The following CELF2 variants were observed in gnomAD, a reference collection of about 807,000 sequenced individuals.
CELF2 encodes CUG triplet repeat RNA-binding protein 2.
In CELF2, 8 loss-of-function variants were observed where a neutral mutation model predicts 62.6. The ratio of observed to expected loss-of-function variants is 0.13; its 90% CI spans 0.07 to 0.23. The LOEUF is 0.23. CELF2 is among the 10% of genes least tolerant of loss of function. CELF2 has a pLI of 1.00. For synonymous variants in CELF2, 258 were observed against 250.0 expected (o/e 1.03, Z -0.30); for missense variants, 333 against 671.0 (o/e 0.50, Z 5.56).
chr10:10,563,550 G>A, the CELF2 span, among the ~76,000 whole-genome samples: 1 of 149,662 alleles, frequency 6.7e-6, no homozygotes, highest in African/African-American at 2.5e-5. Flanking sequence ...GGAGGTTGCA[G>A]TGAGCCAAGA....
chr10:11,272,616 A>T (rs1590279297), intron 7 of CELF2, among the ~76,000 whole-genome samples: 1 of 152,330 alleles, frequency 6.6e-6, no homozygotes, highest in East Asian at 1.9e-4. Flanking sequence ...GGTGAAGGAG[A>T]GGAAATCTCA....
At position 11,247,119 on chromosome 10, in the gene CELF2, C is replaced by T. The variant is rs924652243; in HGVS notation, c.355-2034C>T. Among the ~76,000 whole-genome samples, 3 of 152,252 alleles carry T rather than the reference C, an allele frequency of 2.0e-5. No individual in the cohort carries two copies. Among genetic ancestry groups the T allele is most frequent in the Admixed American group, 6.5e-5 (1 of 15,292 alleles). ...AACTGTCCTCCCTGCCTGTGTCTCT[C>T]GTCTGTAATCCACCCTCCACACGGC... On this transcript the variant is annotated intron_variant, in intron 3 of 12. Coordinates refer to ENST00000633077, the MANE Select transcript of CELF2 (RefSeq NM_001326342.2). The surrounding 1 kb of genome is among the most constrained non-coding windows in gnomAD (Gnocchi z 5.4).
At chr10:11,087,681 C>T (rs2047186245) in intron 1 of CELF2, among the ~76,000 whole-genome samples, 1 of 152,212 alleles carries the variant, frequency 6.6e-6, no homozygotes, top group South Asian at 2.1e-4. Flanking sequence ...CCTATCACAA[C>T]AACACATACC....
At chr10:11,041,031 C>T (rs1343687136) in intron 1 of CELF2, among the ~76,000 whole-genome samples, 1 of 152,204 alleles carries the variant, frequency 6.6e-6, no homozygotes, top group African/African-American at 2.4e-5. Context: ...TTGGAGACTA[C>T]GGAGTCCAAC....
At chr10:10,570,186 C>T in the CELF2 span, among the ~76,000 whole-genome samples, 2 of 152,140 alleles carry the variant, frequency 1.3e-5, no homozygotes, top group Non-Finnish European at 1.5e-5. Context: ...AGCAGCAATG[C>T]CTCAGGGTGA....
chr10:10,487,041 A>G, the CELF2 span, among the ~76,000 whole-genome samples: 1 of 152,174 alleles, frequency 6.6e-6, no homozygotes, highest in East Asian at 1.9e-4. Context: ...TGCATAGAGA[A>G]TGTAGAAGCA....
At chr10:11,185,828 G>C (rs1469431692) in intron 2 of CELF2, among the ~76,000 whole-genome samples, 6 of 152,136 alleles carry the variant, frequency 3.9e-5, no homozygotes. Flanking sequence ...GGCTGGTTTT[G>C]GTATAATGGC....
At position 11,224,346 on chromosome 10, in the gene CELF2, T is replaced by C. The variant is rs998150814; in HGVS notation, c.354+6839T>C. ...TCATTGCTTGAGGGATACTGGTATC[T>C]CATTAGTATCTTGTGAGGGGATGGT... On this transcript the variant is annotated intron_variant, in intron 3 of 12. Coordinates refer to ENST00000633077, the MANE Select transcript of CELF2 (RefSeq NM_001326342.2). This position sits in a 1 kb window ranked among gnomAD's most constrained non-coding sequence, Gnocchi z 4.5. Among the ~76,000 whole-genome samples, 1 of 152,188 alleles carries C rather than the reference T, an allele frequency of 6.6e-6. No individual in the cohort carries two copies. Among genetic ancestry groups the C allele is most frequent in the Non-Finnish European group, 1.5e-5 (1 of 68,036 alleles).
chr10:11,011,751 G>A lies in CELF2; in HGVS notation c.53+6311G>A, dbSNP rs985361769. On this transcript the variant is annotated intron_variant, in intron 1 of 12. Transcript: ENST00000416382. This position sits in a 1 kb window ranked among gnomAD's most constrained non-coding sequence, Gnocchi z 4.6. ...TAAAGGCTTTGGGTAGTTCTTTTAAGAGAAAGAAAAAAAATTTCCCCTAAT... is the reference window on the plus strand; with the variant it reads ...TAAAGGCTTTGGGTAGTTCTTTTAAAAGAAAGAAAAAAAATTTCCCCTAAT... Among the ~76,000 whole-genome samples, 4 of 151,728 alleles carry A rather than the reference G, an allele frequency of 2.6e-5. No individual in the cohort carries two copies.
chr10:10,767,064 C>T, the CELF2 span, among the ~76,000 whole-genome samples: 3 of 152,148 alleles, frequency 2.0e-5, no homozygotes, highest in African/African-American at 4.8e-5. Context: ...TCCTTCATCG[C>T]CGTCTTTTGG....
At chr10:11,249,268 G>C in intron 4 of CELF2, 67 bp downstream of exon 4, 1 of 1,372,556 alleles carries the variant, frequency 7.3e-7, no homozygotes, top group Non-Finnish European at 1.0e-6. Flanking sequence ...AGTCAGTTGG[G>C]GGCGGGAGAA....
the CELF2 span, among the ~76,000 whole-genome samples, chr10:10,721,283 C>G: frequency 3.3e-5 from 5 of 152,134 alleles, no homozygotes; most frequent in African/African-American, 1.2e-4. Context: ...CCAAATAGAT[C>G]TAGTTTGAAA....
Position 10,826,510 on chromosome 10 carries a change from A to G in CELF2, c.53+27693A>G, listed in dbSNP as rs557733343. On this transcript the variant is annotated intron_variant, in intron 1 of 13. Transcript: ENST00000636488. ...ATTGCATGGGCTATGCTTATGCTAA[A>G]AAAAATCACTTGTCATTTGTCTGAA... is the stretch of plus-strand genomic sequence containing the variant. Among the ~76,000 whole-genome samples the G allele has an allele frequency of 2.0e-3, 310 of 152,376 alleles. 1 individual carries two copies. The highest frequency in any genetic ancestry group is 3.1e-3 in the Admixed American group (48 of 15,300).
chr10:10,507,691 A>T, the CELF2 span, among the ~76,000 whole-genome samples: 1 of 152,178 alleles, frequency 6.6e-6, no homozygotes, highest in East Asian at 1.9e-4. Flanking sequence ...TTGTGGGAAG[A>T]TGGAGGGTGT....
At chr10:10,734,944 G>C in the CELF2 span, among the ~76,000 whole-genome samples, 2 of 152,180 alleles carry the variant, frequency 1.3e-5, no homozygotes, top group Non-Finnish European at 2.9e-5. Context: ...CTGTGTGGAT[G>C]AAGAGTCCTG....
chr10:10,999,630 G>A (rs1447393656), intron 2 of CELF2, among the ~76,000 whole-genome samples: 2 of 152,256 alleles, frequency 1.3e-5, no homozygotes, highest in African/African-American at 2.4e-5. Flanking sequence ...AAAAAGAGTT[G>A]TGGATGTGTT....
At chr10:11,130,769 T>G (rs2059502620) in intron 1 of CELF2, among the ~76,000 whole-genome samples, 1 of 152,230 alleles carries the variant, frequency 6.6e-6, no homozygotes, top group South Asian at 2.1e-4. Context: ...TGAAACATAG[T>G]CTGTTATTAG....
At chr10:10,654,539 C>T in the CELF2 span, among the ~76,000 whole-genome samples, 2 of 101,760 alleles carry the variant, frequency 2.0e-5, 1 homozygote, top group Non-Finnish European at 4.1e-5. Context: ...TGGGCTTCAT[C>T]CCTGGGATGC....
the CELF2 span, among the ~76,000 whole-genome samples, chr10:10,478,793 G>A: frequency 0.23 from 35,345 of 152,102 alleles, 4,777 homozygotes; most frequent in African/African-American, 0.38. Context: ...TTTCTGTCTG[G>A]GACAGTTTCA....
Sources: allele counts gnomAD v4.1 joint callset (sites outside exome capture counted in the v4.1 genomes callset), GRCh38; gene constraint gnomAD v4.1.1; non-coding constraint Gnocchi (gnomAD v3.1); transcripts MANE v1.5; gene names NCBI Gene and HGNC (gene_info 2026-07-23, HGNC 2026-07-21).